Variants in EVA1C observed in about 807,000 individuals in gnomAD.
The protein encoded by EVA1C is protein eva-1 homolog C.
A neutral mutation model predicts 45.4 loss-of-function variants in EVA1C; 25 were observed. The observed-to-expected ratio is 0.55, with a 90% CI of 0.40 to 0.77. The LOEUF (loss-of-function observed/expected upper bound fraction) is 0.77, where lower values mean the gene tolerates loss of function less well. EVA1C is among the 30% of genes least tolerant of loss of function. The pLI is 0.00. For missense variants in EVA1C, 479 were observed against 554.8 expected (o/e 0.86, Z 1.37); for synonymous variants, 190 against 221.2 (o/e 0.86, Z 1.25).
At chr21:32,437,980 G>T (rs2035026802) in intron 1 of EVA1C, among the ~76,000 whole-genome samples, 1 of 152,158 alleles carries the variant, frequency 6.6e-6, no homozygotes, top group Admixed American at 6.5e-5. Flanking sequence ...CACGGCCCCC[G>T]GTCTTTCCTG....
chr21:32,500,634 C>A (rs1324052857), intron 5 of EVA1C, among the ~76,000 whole-genome samples: 1 of 152,098 alleles, frequency 6.6e-6, no homozygotes. Flanking sequence ...TTCCCACCCC[C>A]CCGGTCCCAG....
chr21:32,495,209 C>G lies in EVA1C; in HGVS notation c.778+39C>G, dbSNP rs755880935. 6.2e-6 allele frequency: 10 copies of G among 1,604,606 alleles called. No individual in the cohort carries two copies. In the East Asian group the frequency reaches 2.2e-4, roughly 36 times the overall value. On this transcript the variant is annotated intron_variant, in intron 5 of 7. Coordinates refer to ENST00000300255, the MANE Select transcript of EVA1C (RefSeq NM_058187.5). ...CCCGACCAGCTGCCTGATGACACTGCCTCTTTTGGGGGAGGGTGGTGACCA... is the reference window on the plus strand; with the variant it reads ...CCCGACCAGCTGCCTGATGACACTGGCTCTTTTGGGGGAGGGTGGTGACCA...
At chr21:32,496,658 C>T (rs573501158) in intron 5 of EVA1C, among the ~76,000 whole-genome samples, 26 of 152,170 alleles carry the variant, frequency 1.7e-4, no homozygotes, top group Admixed American at 3.3e-4. Flanking sequence ...AGACTGGACA[C>T]GGGTCACACT....
In EVA1C at chr21:32,460,088, A is replaced by G. The variant is rs527761112; in HGVS notation, c.481+2368A>G. ...TATCGTGTGAGGTTTCATCTGGTTT[A>G]TTCATATCATTTCAGCAAAGCCCCT... On this transcript the variant is annotated intron_variant, in intron 3 of 7. Transcript: ENST00000300255. Among the ~76,000 whole-genome samples the G allele has an allele frequency of 2.0e-5, 3 of 152,266 alleles. No homozygotes were observed. The East Asian group carries it at 5.8e-4, about 29-fold the overall frequency.
At chr21:32,473,389 G>A (rs1218464348) in intron 4 of EVA1C, among the ~76,000 whole-genome samples, 2 of 152,132 alleles carry the variant, frequency 1.3e-5, no homozygotes, top group Non-Finnish European at 2.9e-5. Context: ...GCTTTAAACT[G>A]CACTCGGCCT....
chr21:32,418,918 TG>T (rs1482987429), intron 1 of EVA1C, among the ~76,000 whole-genome samples: 5 of 151,834 alleles, frequency 3.3e-5, no homozygotes, highest in Admixed American at 2.6e-4. Flanking sequence ...AGTGGTCCAG[TG>T]GGGTAGGAAA....
At chr21:32,506,769 A>C (rs375576656) in intron 7 of EVA1C, among the ~76,000 whole-genome samples, 72 of 152,108 alleles carry the variant, frequency 4.7e-4, no homozygotes, top group African/African-American at 1.6e-3. Context: ...GGCAGTGGCC[A>C]CCAGCCAATG....
chr21:32,488,443 C>T (rs555920120), intron 4 of EVA1C, among the ~76,000 whole-genome samples: 1 of 152,316 alleles, frequency 6.6e-6, no homozygotes, highest in Non-Finnish European at 1.5e-5. Flanking sequence ...TTCCTTTTCT[C>T]CACACCCTCT....
chr21:32,507,845 C>A (rs1375722582), intron 7 of EVA1C, among the ~76,000 whole-genome samples: 2 of 147,150 alleles, frequency 1.4e-5, no homozygotes, highest in Non-Finnish European at 1.5e-5. Flanking sequence ...GTGCATGTGT[C>A]TGTATGCTTG....
intron 2 of EVA1C, among the ~76,000 whole-genome samples, chr21:32,456,043 C>T (rs1568903055): frequency 6.6e-6 from 1 of 152,154 alleles, no homozygotes. Flanking sequence ...CAGGTGCCCA[C>T]CACCACGCCT....
intron 1 of EVA1C, among the ~76,000 whole-genome samples, chr21:32,415,700 G>C (rs2034009865): frequency 6.6e-6 from 1 of 152,032 alleles, no homozygotes; most frequent in Non-Finnish European, 1.5e-5. Context: ...TCACCTCCAA[G>C]CTTGCTAGTA....
At chr21:32,423,805 A>T (rs1469846551) in intron 1 of EVA1C, among the ~76,000 whole-genome samples, 3 of 152,154 alleles carry the variant, frequency 2.0e-5, no homozygotes, top group Non-Finnish European at 4.4e-5. Flanking sequence ...TTCCACACGC[A>T]GAAAACCAGG....
intron 4 of EVA1C, among the ~76,000 whole-genome samples, chr21:32,476,311 G>A (rs188456395): frequency 1.3e-5 from 2 of 152,062 alleles, no homozygotes; most frequent in Admixed American, 1.3e-4. Context: ...ATGTAGGGCT[G>A]GTTGCCTTTT....
At chr21:32,502,867 C>T (rs1302108834) in intron 6 of EVA1C, among the ~76,000 whole-genome samples, 5 of 151,894 alleles carry the variant, frequency 3.3e-5, no homozygotes, top group South Asian at 2.1e-4. Context: ...TGGGCTCAAG[C>T]GATCCACCCA....
chr21:32,457,225 C>T (rs537086192), intron 2 of EVA1C, among the ~76,000 whole-genome samples: 2 of 152,244 alleles, frequency 1.3e-5, no homozygotes, highest in South Asian at 4.2e-4. Flanking sequence ...GCTAGGGGAC[C>T]CCGCTCGAAG....
chr21:32,503,680 G>A (rs1348527792), intron 6 of EVA1C, among the ~76,000 whole-genome samples: 1 of 152,212 alleles, frequency 6.6e-6, no homozygotes, highest in Admixed American at 6.5e-5. Flanking sequence ...AGCACCTGAA[G>A]TTGGAACCAA....
At chr21:32,511,490 T>C (rs1263939972) in intron 7 of EVA1C, among the ~76,000 whole-genome samples, 3 of 146,756 alleles carry the variant, frequency 2.0e-5, no homozygotes, top group African/African-American at 7.6e-5. Flanking sequence ...CCTTTATATG[T>C]AACTGGAAAA....
chr21:32,426,622 T>C (rs1445349060), intron 1 of EVA1C, among the ~76,000 whole-genome samples: 2 of 152,112 alleles, frequency 1.3e-5, no homozygotes, highest in African/African-American at 4.8e-5. Flanking sequence ...CTTATCAAGA[T>C]ACGCTGGAGT....
At chr21:32,495,363 C>T (rs1441812688) in intron 5 of EVA1C, among the ~76,000 whole-genome samples, 193 bp downstream of exon 5, 3 of 152,058 alleles carry the variant, frequency 2.0e-5, no homozygotes, top group Non-Finnish European at 1.5e-5. Context: ...GTCAGATAAG[C>T]AATAGAATTT....
Sources: gnomAD v4.1 joint callset for allele counts (sites outside exome capture counted in the v4.1 genomes callset) on GRCh38, gnomAD v4.1.1 for gene constraint, MANE v1.5 for transcripts, NCBI Gene and HGNC (gene_info 2026-07-23, HGNC 2026-07-21) for gene names.